The following BCAS4 variants were observed in gnomAD, a reference collection of about 807,000 sequenced individuals.
BCAS4 encodes breast carcinoma amplified sequence 4.
A neutral mutation model predicts 15.7 loss-of-function variants in BCAS4; 9 were observed. The ratio of observed to expected loss-of-function variants is 0.57; its 90% CI spans 0.34 to 1.00. The LOEUF is 1.00. Ranked by LOEUF, BCAS4 falls within the 50% of genes least tolerant of loss-of-function variation. The pLI is 0.02. For missense variants in BCAS4, 225 were observed against 239.1 expected (o/e 0.94, Z 0.39); for synonymous variants, 101 against 99.5 (o/e 1.02, Z -0.09).
chr20:50,817,988 C>T (rs985857685), intron 1 of BCAS4, among the ~76,000 whole-genome samples: 17 of 152,022 alleles, frequency 1.1e-4, no homozygotes, highest in African/African-American at 4.1e-4. Flanking sequence ...TTGAAAGCTG[C>T]ATAGAATGGA....
chr20:50,867,188 G>A (rs976786391), intron 4 of BCAS4, among the ~76,000 whole-genome samples: 3 of 152,166 alleles, frequency 2.0e-5, no homozygotes, highest in Non-Finnish European at 4.4e-5. Flanking sequence ...ATGAACTCAA[G>A]TCCACAGTTG....
rs139441522 is a variant in BCAS4, at chr20:50,845,677, C to T, written c.399+3777C>T. On this transcript the variant is annotated intron_variant, in intron 4 of 4. Coordinates refer to ENST00000371608, the MANE Select transcript of BCAS4 (RefSeq NM_198799.4). ...CTGGCCCGAACAGTGACCATCCAGA[C>T]GCAGCAGCCAGTCAGGGTGACCTGG... Among the ~76,000 whole-genome samples, 250 of 152,328 alleles carry T rather than the reference C, an allele frequency of 1.6e-3. 2 individuals are homozygous for T. The highest frequency in any genetic ancestry group is 5.6e-3 in the African/African-American group (234 of 41,582).
chr20:50,872,439 C>T (rs1480504479), intron 4 of BCAS4, among the ~76,000 whole-genome samples: 3 of 150,374 alleles, frequency 2.0e-5, no homozygotes, highest in Middle Eastern at 3.4e-3. Context: ...GACGTGGTGG[C>T]GGGTGCCTGT....
chr20:50,839,067 G>C (rs529051441), intron 3 of BCAS4, among the ~76,000 whole-genome samples: 2 of 152,328 alleles, frequency 1.3e-5, no homozygotes, highest in South Asian at 2.1e-4. Flanking sequence ...GCATTTCATG[G>C]TATTATTGAA....
intron 4 of BCAS4, among the ~76,000 whole-genome samples, chr20:50,868,205 G>A (rs1468422202): frequency 2.0e-5 from 3 of 152,262 alleles, no homozygotes; most frequent in Non-Finnish European, 4.4e-5. Flanking sequence ...TCACCTGGCC[G>A]AAGTGACGTT....
chr20:50,812,897 C>T (rs1473618296), intron 1 of BCAS4, among the ~76,000 whole-genome samples: 2 of 152,162 alleles, frequency 1.3e-5, no homozygotes, highest in African/African-American at 2.4e-5. Context: ...CTCACAGCAG[C>T]CTTGATCTTC....
intron 3 of BCAS4, chr20:50,832,788 C>G (rs747086011): frequency 3.3e-5 from 5 of 152,374 alleles, no homozygotes; most frequent in African/African-American, 4.8e-5. Flanking sequence ...CTTCCTGTCT[C>G]TCTGTTGCTG....
Position 50,840,599 on chromosome 20 carries a change from G to C in BCAS4, c.265-1167G>C, listed in dbSNP as rs2088466113. On this transcript the variant is annotated intron_variant, in intron 3 of 4. Transcript: ENST00000371608. Reference sequence around the variant, plus strand: ...GCTTGTGGAATGTACAGTGCATATTGACGGCACACGCCTCATTACGATTCG... The same window carrying C: ...GCTTGTGGAATGTACAGTGCATATTCACGGCACACGCCTCATTACGATTCG... The C allele has an allele frequency of 3.2e-6, 5 of 1,578,370 alleles. No homozygotes were observed. In the Admixed American group the frequency reaches 8.3e-5, roughly 26 times the overall value.
At chr20:50,830,224 CAGG>C in intron 2 of BCAS4, 52 bp from the exon 3 acceptor site, 2 of 1,462,310 alleles carry the variant, frequency 1.4e-6, no homozygotes, top group East Asian at 2.3e-5. Flanking sequence ...CTGAGGCAGG[CAGG>C]AGGACACAGT....
chr20:50,839,670 T>C (rs543950788), intron 3 of BCAS4, among the ~76,000 whole-genome samples: 15 of 152,150 alleles, frequency 9.9e-5, no homozygotes, highest in Admixed American at 8.5e-4. Flanking sequence ...ACTCGGCTAA[T>C]TTTTTTTGTA....
chr20:50,822,460 G>T (rs1429699088), intron 2 of BCAS4, among the ~76,000 whole-genome samples: 1 of 152,138 alleles, frequency 6.6e-6, no homozygotes, highest in Non-Finnish European at 1.5e-5. Flanking sequence ...GTTACTGTAA[G>T]GAATAGATGA....
At chr20:50,864,639 C>T (rs185432262) in intron 4 of BCAS4, among the ~76,000 whole-genome samples, 4 of 151,532 alleles carry the variant, frequency 2.6e-5, no homozygotes, top group Non-Finnish European at 5.9e-5. Flanking sequence ...GACAGGGTTT[C>T]GCCATGTTGG....
chr20:50,813,837 TAA>T (rs529228686), intron 1 of BCAS4, among the ~76,000 whole-genome samples: 1 of 144,600 alleles, frequency 6.9e-6, no homozygotes, highest in Non-Finnish European at 1.5e-5. Context: ...GGTGTTTGTT[TAA>T]AAAAAAAAAA....
chr20:50,855,965 G>T (rs1978737138), intron 4 of BCAS4, among the ~76,000 whole-genome samples: 2 of 152,218 alleles, frequency 1.3e-5, no homozygotes, highest in South Asian at 2.1e-4. Flanking sequence ...AAAGAGGAAC[G>T]AGCTCAAGGG....
chr20:50,817,641 G>A (rs1182182869), intron 1 of BCAS4, among the ~76,000 whole-genome samples: 2 of 151,918 alleles, frequency 1.3e-5, no homozygotes, highest in Admixed American at 1.3e-4. Flanking sequence ...TTTGTATTTT[G>A]AGTAGAGACG....
At position 50,813,618 on chromosome 20, in the gene BCAS4, C is replaced by T. The variant is rs1476657291; in HGVS notation, c.91-4593C>T. ...GGTGCTCCGAAGTATTTGGCCTGAA[C>T]GAGAGGATGATGGAGTTTCCATTTG... On this transcript the variant is annotated intron_variant, in intron 1 of 4. Transcript: ENST00000371608. Among the ~76,000 whole-genome samples, 5 of 148,232 alleles carry T rather than the reference C, an allele frequency of 3.4e-5. No homozygotes were observed. In the East Asian group the frequency reaches 6.0e-4, roughly 18 times the overall value.
chr20:50,852,316 G>A (rs571384826), intron 4 of BCAS4, among the ~76,000 whole-genome samples: 169 of 152,304 alleles, frequency 1.1e-3, no homozygotes, highest in African/African-American at 3.8e-3. Flanking sequence ...GCCCTCAGCT[G>A]CAGCCTGGAA....
intron 3 of BCAS4, among the ~76,000 whole-genome samples, chr20:50,833,706 G>A (rs1206594020): frequency 6.6e-6 from 1 of 152,224 alleles, no homozygotes; most frequent in Non-Finnish European, 1.5e-5. Context: ...CGGTGGTGAG[G>A]TTCTTACACC....
chr20:50,813,674 CTTTTT>C (rs965295871), intron 1 of BCAS4, among the ~76,000 whole-genome samples: 2 of 82,390 alleles, frequency 2.4e-5, no homozygotes, highest in Non-Finnish European at 4.2e-5. Context: ...GGTGGAGGAC[CTTTTT>C]TTTTTTTTTT....
Sources: gnomAD v4.1 joint callset for allele counts (sites outside exome capture counted in the v4.1 genomes callset) on GRCh38, gnomAD v4.1.1 for gene constraint, MANE v1.5 for transcripts, NCBI Gene and HGNC (gene_info 2026-07-23, HGNC 2026-07-21) for gene names.